ZNF527: variants seen among roughly 807,000 people sequenced by gnomAD.
The protein encoded by ZNF527 is zinc finger protein 527.
In ZNF527, 5 loss-of-function variants were observed where a neutral mutation model predicts 13.5. The observed-to-expected ratio is 0.37, with a 90% CI of 0.19 to 0.78. The LOEUF (loss-of-function observed/expected upper bound fraction) is 0.78, where lower values mean the gene tolerates loss of function less well. Ranked by LOEUF, ZNF527 falls within the 30% of genes least tolerant of loss-of-function variation. The pLI, the probability that ZNF527 is intolerant of heterozygous loss-of-function variation, is 0.48. For synonymous variants in ZNF527, 209 were observed against 243.1 expected (o/e 0.86, Z 1.30); for missense variants, 628 against 726.4 (o/e 0.86, Z 1.56).
intron 4 of ZNF527, among the ~76,000 whole-genome samples, chr19:37,386,750 A>C (rs2040703383): frequency 6.6e-6 from 1 of 152,106 alleles, no homozygotes; most frequent in South Asian, 2.1e-4. Context: ...TTCTCCCATC[A>C]GGCTTCTTTT....
chr19:37,386,258 C>T (rs1210566987), intron 4 of ZNF527, among the ~76,000 whole-genome samples: 1 of 146,360 alleles, frequency 6.8e-6, no homozygotes, highest in African/African-American at 2.6e-5. Context: ...TCTCGTGCCT[C>T]AGCCACCTGG....
At position 37,389,804 on chromosome 19, in the gene ZNF527, C is replaced by T. The variant is rs1167022976; in HGVS notation, c.1755C>T (p.Asn585=). The T allele has an allele frequency of 2.1e-5, 34 of 1,613,064 alleles. No homozygotes were observed. Among genetic ancestry groups the T allele is most frequent in the African/African-American group, 2.7e-5 (2 of 74,906 alleles). ...IHAGEKPYKC[N]ECGNNFSCVS... is the part of the protein sequence containing the mutation. ...CTGGAGAAAAACCTTATAAATGTAA[C>T]GAATGTGGGAATAATTTTAGCTGTG... The change falls in exon 5 of 5, where the codon AAC becomes AAT. Residue 585 remains asparagine, a synonymous_variant. Coordinates refer to ENST00000436120, the MANE Select transcript of ZNF527 (RefSeq NM_032453.2).
chr19:37,371,588 A>G (rs897813102), intron 1 of ZNF527, among the ~76,000 whole-genome samples: 6 of 151,970 alleles, frequency 3.9e-5, no homozygotes, highest in African/African-American at 1.5e-4. Flanking sequence ...TTATGTGACC[A>G]CCTGTTTCTG....
At position 37,375,306 on chromosome 19, in the gene ZNF527, CTTTCTTTT is replaced by C. The variant is rs1343989564; in HGVS notation, c.33+1076_33+1083del. ...TCTTTCTTTCTTTCTTTCTTTCTTT[CTTTCTTTT>C]CTTTCTTTCTTTCTTTCTTTCTTTC... On this transcript the variant is annotated intron_variant, in intron 2 of 4. Transcript: ENST00000436120. Among the ~76,000 whole-genome samples the C allele has an allele frequency of 5.6e-3, 562 of 100,696 alleles. 3 individuals are homozygous for C. The highest frequency in any genetic ancestry group is 8.4e-3 in the African/African-American group (191 of 22,840). The allele number at this position is 100,696 out of a possible 152,430, so 66.1% of individuals were successfully genotyped here.
intron 4 of ZNF527, 70 bp from the exon 5 acceptor site, chr19:37,388,236 T>C: frequency 6.5e-7 from 1 of 1,541,074 alleles, no homozygotes; most frequent in Non-Finnish European, 8.7e-7. Flanking sequence ...TTCTTCCATT[T>C]CTTCTCTAAC....
intron 4 of ZNF527, among the ~76,000 whole-genome samples, chr19:37,382,304 GATA>G (rs2040660936): frequency 6.6e-6 from 1 of 151,876 alleles, no homozygotes; most frequent in Admixed American, 6.6e-5. Flanking sequence ...TAGATAGATA[GATA>G]GATAGATAGA....
chr19:37,384,153 A>C (rs1015574156), intron 4 of ZNF527, among the ~76,000 whole-genome samples: 1 of 151,808 alleles, frequency 6.6e-6, no homozygotes, highest in African/African-American at 2.4e-5. Flanking sequence ...CCCCGTCTCT[A>C]CTAAAAATAC....
At chr19:37,387,668 C>T (rs1194556196) in intron 4 of ZNF527, among the ~76,000 whole-genome samples, 1 of 152,172 alleles carries the variant, frequency 6.6e-6, no homozygotes, top group Non-Finnish European at 1.5e-5. Context: ...TCTCAATAGG[C>T]ATCATTTTCC....
chr19:37,379,120 G>C lies in ZNF527; in HGVS notation c.34G>C (p.Gly12Arg). 20 of 1,613,962 alleles carry C rather than the reference G, an allele frequency of 1.2e-5. No individual in the cohort carries two copies. Among genetic ancestry groups the C allele is most frequent in the Non-Finnish European group, 1.5e-5 (18 of 1,179,968 alleles). The change falls in exon 3 of 5, where the codon GGG becomes CGG. Residue 12 changes from glycine to arginine, a missense_variant and splice_region_variant. Gly to Arg is a moderately radical substitution (Grantham distance 125). Around this residue, in one of 3 missense-constraint regions of ZNF527, gnomAD observed 33 missense variants for 31.2 expected, o/e 1.06. Transcript: ENST00000436120. ...AVGLCKAMSQ[G>R]LVTFRDVALD... is the part of the protein sequence containing the mutation. ...GTGAACAAGAATTTTTTTATTTCAGGGGTTGGTGACCTTCAGAGATGTGGC... is the reference window on the plus strand; with the variant it reads ...GTGAACAAGAATTTTTTTATTTCAGCGGTTGGTGACCTTCAGAGATGTGGC...
intron 4 of ZNF527, 51 bp from the exon 5 acceptor site, chr19:37,388,255 T>G: frequency 6.4e-7 from 1 of 1,565,968 alleles, no homozygotes; most frequent in Non-Finnish European, 8.6e-7. Flanking sequence ...ACAATTTTCT[T>G]CCTCATAGCA....
chr19:37,378,578 A>G (rs1356314432), intron 2 of ZNF527, among the ~76,000 whole-genome samples: 3 of 152,206 alleles, frequency 2.0e-5, no homozygotes, highest in African/African-American at 7.2e-5. Flanking sequence ...GCTATAGCCT[A>G]AACTCTATTT....
chr19:37,389,333 C>T lies in ZNF527; in HGVS notation c.1284C>T (p.Ala428=). The part of the protein sequence containing the change: ...QCGKAFSRRI[A]LTLHQRIHTG... ...GAAAAGCCTTCAGCAGACGCATAGC[C>T]CTTACTCTACATCAAAGAATTCACA... is the stretch of plus-strand genomic sequence containing the variant. The change falls in exon 5 of 5, where the codon GCC becomes GCT. Residue 428 remains alanine, a synonymous_variant. Coordinates refer to ENST00000436120, the MANE Select transcript of ZNF527 (RefSeq NM_032453.2). 1.2e-6 allele frequency: 2 copies of T among 1,613,804 alleles called. No homozygotes were observed. Among genetic ancestry groups the T allele is most frequent in the Non-Finnish European group, 1.7e-6 (2 of 1,179,948 alleles).
Position 37,373,768 on chromosome 19 carries a change from C to T in ZNF527, c.-41-390C>T, listed in dbSNP as rs575843184. On this transcript the variant is annotated intron_variant, in intron 1 of 4. Coordinates refer to ENST00000436120, the MANE Select transcript of ZNF527 (RefSeq NM_032453.2). ...CTGGTGTCTGGGAGAAGGTTCCAGA[C>T]GGAAGGAAAAGTCCACAACCCTGAA... is the stretch of plus-strand genomic sequence containing the variant. Among the ~76,000 whole-genome samples, 11 of 152,058 alleles carry T rather than the reference C, an allele frequency of 7.2e-5. No individual in the cohort carries two copies. The East Asian group carries it at 7.7e-4, about 11-fold the overall frequency.
In ZNF527 at chr19:37,388,930, G is replaced by T. The variant is rs1312212461; in HGVS notation, c.881G>T (p.Arg294Ile). The T allele has an allele frequency of 1.9e-6, 3 of 1,613,284 alleles. No individual in the cohort carries two copies. Among genetic ancestry groups the T allele is most frequent in the Admixed American group, 3.3e-5 (2 of 59,908 alleles). ...TACTCATTCTTTACTCAACCTCAGA[G>T]AATTCACAGTGGAGAAAAACCATAT... ...SCYSFFTQPQRIHSGEKPYAC... is the reference protein window; with the variant it reads ...SCYSFFTQPQIIHSGEKPYAC... The change falls in exon 5 of 5, where the codon AGA becomes ATA. Residue 294 changes from arginine to isoleucine, a missense_variant. Arg to Ile is a moderately conservative substitution (Grantham distance 97). Around this residue, in one of 3 missense-constraint regions of ZNF527, gnomAD observed 592 missense variants for 678.0 expected, o/e 0.87. Coordinates refer to ENST00000436120, the MANE Select transcript of ZNF527 (RefSeq NM_032453.2).
At chr19:37,384,909 C>A in intron 4 of ZNF527, 1 of 701,964 alleles carries the variant, frequency 1.4e-6, no homozygotes, top group South Asian at 1.5e-5. Context: ...GTGGCATGAT[C>A]TTGGCTCACT....
At chr19:37,380,216 T>G in intron 3 of ZNF527, 61 bp from the exon 4 acceptor site, 1 of 1,601,148 alleles carries the variant, frequency 6.2e-7, no homozygotes, top group Non-Finnish European at 8.5e-7. Context: ...TGTGGCATGT[T>G]GATTTGTTTG....
Position 37,391,657 on chromosome 19 carries a change from G to A in ZNF527, c.*1778G>A, listed in dbSNP as rs1220975206. Reference sequence around the variant, plus strand: ...TATGGATAACTTCTTTGCAGCTAGAGATATCAAACAAAGATATTGCTGGCA... The same window carrying A: ...TATGGATAACTTCTTTGCAGCTAGAAATATCAAACAAAGATATTGCTGGCA... On this transcript the variant is annotated 3_prime_UTR_variant, in exon 5 of 5. Coordinates refer to ENST00000436120, the MANE Select transcript of ZNF527 (RefSeq NM_032453.2). The A allele has an allele frequency of 6.6e-6, 1 of 151,930 alleles. No individual in the cohort carries two copies. 9.4% of individuals were successfully genotyped at this position (151,930 alleles called of 1,614,324 possible). A position where few individuals can be genotyped will look rare whatever the true frequency, so the allele number is the denominator to read the frequency against.
At chr19:37,384,268 G>A (rs982755562) in intron 4 of ZNF527, among the ~76,000 whole-genome samples, 1 of 152,076 alleles carries the variant, frequency 6.6e-6, no homozygotes, top group Admixed American at 6.6e-5. Flanking sequence ...CAGTGAGCTG[G>A]GATCGCGCCA....
At chr19:37,379,460 CTTTTTTT>C in intron 3 of ZNF527, 1 of 160,724 alleles carries the variant, frequency 6.2e-6, no homozygotes, top group Non-Finnish European at 1.2e-5. Context: ...GAAGTAATTT[CTTTTTTT>C]TTTTTTTTTT....
Sources: allele counts gnomAD v4.1 joint callset (sites outside exome capture counted in the v4.1 genomes callset), GRCh38; gene constraint gnomAD v4.1.1; regional missense constraint gnomAD v4.1.1; transcripts MANE v1.5; gene names NCBI Gene and HGNC (gene_info 2026-07-23, HGNC 2026-07-21).